RUFY2: variants seen among roughly 807,000 people sequenced by gnomAD.
RUFY2 encodes RUN and FYVE domain-containing protein 2.
Under a neutral mutation model 94.4 loss-of-function variants are expected in RUFY2, and 49 were observed. That is an observed-to-expected ratio of 0.52 (90% CI 0.41 to 0.66). RUFY2 has a LOEUF of 0.66. Ranked by LOEUF, RUFY2 falls within the 30% of genes least tolerant of loss-of-function variation. The pLI is 0.00. For missense variants in RUFY2, 541 were observed against 692.8 expected (o/e 0.78, Z 2.46); for synonymous variants, 255 against 235.7 (o/e 1.08, Z -0.75).
intron 13 of RUFY2, among the ~76,000 whole-genome samples, chr10:68,371,987 T>C (rs988263719): frequency 6.6e-6 from 1 of 152,166 alleles, no homozygotes; most frequent in African/African-American, 2.4e-5. Context: ...CCAACAGACC[T>C]ACCCTAAAAG....
intron 15 of RUFY2, among the ~76,000 whole-genome samples, chr10:68,359,963 C>T (rs139314005): frequency 0.017 from 2,629 of 152,178 alleles, 43 homozygotes; most frequent in Non-Finnish European, 0.024. Flanking sequence ...GTAGCTGGGA[C>T]TACAGGCACA....
intron 15 of RUFY2, among the ~76,000 whole-genome samples, chr10:68,358,482 C>A (rs1589801493): frequency 6.6e-6 from 1 of 152,262 alleles, no homozygotes; most frequent in Non-Finnish European, 1.5e-5. Context: ...ATTTTCTTGG[C>A]TAAATTCACA....
intron 15 of RUFY2, 171 bp from the exon 16 acceptor site, chr10:68,355,572 T>C (rs2046987657): frequency 2.1e-6 from 1 of 471,934 alleles, no homozygotes; most frequent in East Asian, 3.7e-5. Context: ...ATTTTCTAAA[T>C]GTCCTAAAGC....
downstream of RUFY2, chr10:68,343,134 G>GAACTT (rs1290929511): frequency 6.6e-6 from 1 of 152,138 alleles, no homozygotes; most frequent in Non-Finnish European, 1.5e-5. Context: ...TTCAGTTATT[G>GAACTT]AACTTGTTAC....
intron 13 of RUFY2, among the ~76,000 whole-genome samples, chr10:68,366,797 A>T (rs11497978): frequency 0.21 from 3,742 of 17,496 alleles, 181 homozygotes; most frequent in African/African-American, 0.46. Flanking sequence ...AATAATATAT[A>T]ATATATATAA....
chr10:68,359,663 ATAG>A (rs1325097027), intron 15 of RUFY2, among the ~76,000 whole-genome samples: 2 of 148,718 alleles, frequency 1.3e-5, no homozygotes, highest in Non-Finnish European at 3.0e-5. Flanking sequence ...AAAAATATAT[ATAG>A]TAGTAGTACC....
chr10:68,393,014 T>C (rs1554892687), intron 7 of RUFY2, 124 bp downstream of exon 7: 17 of 429,304 alleles, frequency 4.0e-5, no homozygotes, highest in Non-Finnish European at 8.3e-6. Flanking sequence ...ACTTTCCATT[T>C]TCTCTCTATC....
In RUFY2 at chr10:68,376,977, T is replaced by C. The variant is rs368987971; in HGVS notation, c.1206-5A>G. 1.2e-6 allele frequency: 2 copies of C among 1,613,224 alleles called. No individual in the cohort carries two copies. Among genetic ancestry groups the C allele is most frequent in the Middle Eastern group, 1.6e-4 (1 of 6,082 alleles). ...GCCTTCTCTGCTTGCTGCAATCTGG[T>C]GTAATTCAAATCAACTTTGGGTAAA... is the stretch of plus-strand genomic sequence containing the variant. On this transcript the variant is annotated splice_region_variant and splice_polypyrimidine_tract_variant and intron_variant, in intron 12 of 17. Coordinates refer to ENST00000602465, the MANE Select transcript of RUFY2 (RefSeq NM_001330103.2).
At chr10:68,393,728 C>CAAA in intron 6 of RUFY2, 16 of 234,202 alleles carry the variant, frequency 6.8e-5, no homozygotes, top group South Asian at 2.2e-4. Context: ...GACTGTGTCT[C>CAAA]AAAAAAAAAA....
At chr10:68,357,598 T>C (rs548234409) in intron 15 of RUFY2, among the ~76,000 whole-genome samples, 2 of 152,248 alleles carry the variant, frequency 1.3e-5, no homozygotes, top group Non-Finnish European at 2.9e-5. Flanking sequence ...ATGCAAATTA[T>C]AAAAAACAAT....
At chr10:68,394,791 G>A (rs1251813779) in intron 4 of RUFY2, among the ~76,000 whole-genome samples, 14 of 151,350 alleles carry the variant, frequency 9.3e-5, no homozygotes, top group East Asian at 7.8e-4. Context: ...CACCGCACCC[G>A]GCTAATTTTT....
intron 15 of RUFY2, among the ~76,000 whole-genome samples, chr10:68,359,325 T>C (rs2047268397): frequency 8.6e-6 from 1 of 116,500 alleles, no homozygotes; most frequent in Non-Finnish European, 2.0e-5. Context: ...TATATACATA[T>C]ATAAAATAAG....
chr10:68,388,438 G>C (rs776859402), intron 7 of RUFY2, among the ~76,000 whole-genome samples: 1 of 152,150 alleles, frequency 6.6e-6, no homozygotes, highest in African/African-American at 2.4e-5. Flanking sequence ...ATTCCAGCCT[G>C]GGCGACAAGA....
chr10:68,378,371 C>T (rs1039625027), intron 12 of RUFY2: 15 of 1,229,612 alleles, frequency 1.2e-5, no homozygotes, highest in Middle Eastern at 3.1e-4. Flanking sequence ...GTTTGAGGAA[C>T]GTATGTCTGG....
At chr10:68,406,873 C>G (rs1247800374) in intron 1 of RUFY2, 20 of 1,603,400 alleles carry the variant, frequency 1.2e-5, no homozygotes, top group Non-Finnish European at 1.7e-5. Flanking sequence ...CGCCCCTCCC[C>G]GCCTGCTCCC....
intron 7 of RUFY2, among the ~76,000 whole-genome samples, chr10:68,392,339 A>G (rs1161463855): frequency 6.6e-6 from 1 of 152,052 alleles, no homozygotes; most frequent in Non-Finnish European, 1.5e-5. Flanking sequence ...CACATCTCAT[A>G]TATTTCTATT....
At chr10:68,406,883 C>A in intron 1 of RUFY2, 1 of 1,597,102 alleles carries the variant, frequency 6.3e-7, no homozygotes. Flanking sequence ...CGCCTGCTCC[C>A]CGACCCGGGA....
rs751531309 is a variant in RUFY2 at position 68,404,722 on chromosome 10, A to AG, written c.126dup (p.Gln44AlafsTer16). The AG allele has an allele frequency of 6.2e-7, 1 of 1,612,948 alleles. No homozygotes were observed. The highest frequency in any genetic ancestry group is 8.5e-7 in the Non-Finnish European group (1 of 1,179,622). ...TCCATAACAACAAAGAATTGCTGCA[A>AG]GGGGGGATAGTCAGAATCCAAAGTG... On this transcript the variant is annotated frameshift_variant, in exon 2 of 18. Coordinates refer to ENST00000602465, the MANE Select transcript of RUFY2 (RefSeq NM_001330103.2). LOFTEE classifies it high-confidence loss of function.
At chr10:68,406,806 C>A in intron 1 of RUFY2, 1 of 1,612,656 alleles carries the variant, frequency 6.2e-7, no homozygotes, top group Non-Finnish European at 8.5e-7. Flanking sequence ...CGTCAGGCAC[C>A]CAGGCCAAAA....
Sources: allele counts gnomAD v4.1 joint callset (sites outside exome capture counted in the v4.1 genomes callset), GRCh38; gene constraint gnomAD v4.1.1; transcripts MANE v1.5; gene names NCBI Gene and HGNC (gene_info 2026-07-23, HGNC 2026-07-21).